Variants in LRRC37B observed in about 807,000 individuals in gnomAD.
The protein encoded by LRRC37B is leucine-rich repeat-containing protein 37B.
A neutral mutation model predicts 98.3 loss-of-function variants in LRRC37B; 28 were observed. That is an observed-to-expected ratio of 0.28 (90% CI 0.21 to 0.39). LRRC37B has a LOEUF of 0.39. Among genes scored for constraint, LRRC37B ranks in the 10% least tolerant of loss-of-function variants. The pLI is 1.00. For missense variants in LRRC37B, 938 were observed against 1,182.7 expected (o/e 0.79, Z 3.03); for synonymous variants, 364 against 442.7 (o/e 0.82, Z 2.23).
rs149815513 is a variant in LRRC37B, at chr17:32,046,202, C to G, written c.2323+384C>G. On this transcript the variant is annotated intron_variant, in intron 8 of 11. Transcript: ENST00000327564. Reference sequence around the variant, plus strand: ...CTGTGAGGTCTCAAGTACTCTCTGCCTTTTAGGACAGATGTAGATCCGGTT... The same window carrying G: ...CTGTGAGGTCTCAAGTACTCTCTGCGTTTTAGGACAGATGTAGATCCGGTT... Among the ~76,000 whole-genome samples, 1,075 of 152,258 alleles carry G rather than the reference C, an allele frequency of 7.1e-3. 2 individuals carry two copies. Among genetic ancestry groups the G allele is most frequent in the African/African-American group, 0.025 (1,022 of 41,538 alleles).
At chr17:32,008,877 T>C (rs1296703579) in intron 1 of LRRC37B, among the ~76,000 whole-genome samples, 2 of 152,254 alleles carry the variant, frequency 1.3e-5, no homozygotes, top group African/African-American at 4.8e-5. Flanking sequence ...TTTCTAGTTT[T>C]TGGCAGCTAT....
At chr17:32,007,721 C>T (rs996637002), upstream of LRRC37B, among the ~76,000 whole-genome samples, 2 of 151,542 alleles carry the variant, frequency 1.3e-5, no homozygotes, top group Middle Eastern at 3.4e-3. This position sits in a 1 kb window ranked among gnomAD's most constrained non-coding sequence, Gnocchi z 4.1. Context: ...GGGCTCCCCT[C>T]GCCGATACGC....
At chr17:32,019,349 T>C (rs1030615531), upstream of LRRC37B, among the ~76,000 whole-genome samples, 2 of 152,240 alleles carry the variant, frequency 1.3e-5, no homozygotes, top group African/African-American at 4.8e-5. Context: ...TACAGGTTTG[T>C]AGCCTAGGCT....
chr17:32,049,775 G>A (rs1911694793), intron 10 of LRRC37B, among the ~76,000 whole-genome samples: 1 of 152,120 alleles, frequency 6.6e-6, no homozygotes, highest in Non-Finnish European at 1.5e-5. Flanking sequence ...GCTGAGGTGG[G>A]AGGATCACCT....
chr17:32,040,574 G>A lies in LRRC37B; in HGVS notation c.2204+4935G>A, dbSNP rs887221115. The A allele has an allele frequency of 1.2e-5, 9 of 765,018 alleles. No homozygotes were observed. The African/African-American group carries it at 1.5e-4, about 13-fold the overall frequency. The allele number at this position is 765,018 out of a possible 1,614,324, so 47.4% of individuals were successfully genotyped here. On this transcript the variant is annotated intron_variant, in intron 7 of 11. Coordinates refer to ENST00000327564, the Ensembl canonical transcript of LRRC37B. ...TCATCAGCAAGGCGGTGACGGAAAT[G>A]CTGGCAAGGACCATCAAGTACCTGC... is the stretch of plus-strand genomic sequence containing the variant.
Position 32,022,366 on chromosome 17 carries a change from A to G in LRRC37B, c.1301A>G (p.Gln434Arg), listed in dbSNP as rs779437035. 5 of 1,613,944 alleles carry G rather than the reference A, an allele frequency of 3.1e-6. No homozygotes were observed. The South Asian group carries it at 5.5e-5, about 18-fold the overall frequency. Residue 434 changes from glutamine to arginine, a missense_variant, in exon 1 of 12, where the codon CAG (glutamine) becomes CGG (arginine). Physicochemically the swap from Gln to Arg is conservative, Grantham distance 43 (BLOSUM62 1). Around this residue, in one of 2 missense-constraint regions of LRRC37B, gnomAD observed 610 missense variants for 625.6 expected, o/e 0.98. Coordinates refer to ENST00000327564, the Ensembl canonical transcript of LRRC37B. ...CCACCTTCAGACAAGGGTCAGGCTCAGCATTCACACCTGACTGAAGCCACA... is the reference window on the plus strand; with the variant it reads ...CCACCTTCAGACAAGGGTCAGGCTCGGCATTCACACCTGACTGAAGCCACA...
upstream of LRRC37B, chr17:32,020,742 C>T: frequency 2.1e-6 from 1 of 478,820 alleles, no homozygotes; most frequent in Non-Finnish European, 3.3e-6. Context: ...GATTTCACCT[C>T]AGAGGAGGAA....
chr17:32,025,327 C>A (rs527644854), intron 2 of LRRC37B, among the ~76,000 whole-genome samples: 79 of 151,942 alleles, frequency 5.2e-4, no homozygotes, highest in African/African-American at 1.7e-3. Flanking sequence ...TGAGCCACCA[C>A]CCCCAGCCCA....
chr17:32,047,856 G>A, exon 9 of LRRC37B: 1 of 1,614,164 alleles, frequency 6.2e-7, no homozygotes. Context: ...TATTGAGTCG[G>A]AGGCGCCCTC....
intron 1 of LRRC37B, among the ~76,000 whole-genome samples, chr17:32,011,459 A>G (rs1910524691): frequency 6.6e-6 from 1 of 152,136 alleles, no homozygotes; most frequent in Non-Finnish European, 1.5e-5. Flanking sequence ...TTGGCCTCCC[A>G]AAGTGCTGGG....
At chr17:32,012,156 T>C (rs1438566662) in intron 1 of LRRC37B, among the ~76,000 whole-genome samples, 4 of 152,188 alleles carry the variant, frequency 2.6e-5, no homozygotes, top group African/African-American at 7.2e-5. Context: ...TTAGGTCAAG[T>C]TGGTTGATCG....
At chr17:32,022,267 C>T in exon 1 of LRRC37B, 1 of 1,613,926 alleles carries the variant, frequency 6.2e-7, no homozygotes, top group South Asian at 1.1e-5. Context: ...ATTCAGCCTC[C>T]CGAGGAGGCG....
chr17:32,039,514 A>G (rs1423373037), intron 7 of LRRC37B, among the ~76,000 whole-genome samples: 3 of 41,098 alleles, frequency 7.3e-5, no homozygotes, highest in African/African-American at 1.4e-4. Flanking sequence ...ATATATATAT[A>G]TATATATATG....
At chr17:32,050,780 G>A (rs2142264347) in intron 11 of LRRC37B, among the ~76,000 whole-genome samples, 1 of 152,180 alleles carries the variant, frequency 6.6e-6, no homozygotes, top group South Asian at 2.1e-4. Context: ...TCGGATTAGA[G>A]ATGCTCAACC....
At chr17:32,034,536 A>G (rs1381458331) in intron 5 of LRRC37B, among the ~76,000 whole-genome samples, 2 of 150,818 alleles carry the variant, frequency 1.3e-5, no homozygotes, top group South Asian at 2.1e-4. Flanking sequence ...AACTTGAATT[A>G]TAGATGAACA....
At chr17:32,027,490 G>A (rs190178881) in intron 2 of LRRC37B, among the ~76,000 whole-genome samples, 1 of 100,924 alleles carries the variant, frequency 9.9e-6, no homozygotes, top group South Asian at 3.5e-4. Flanking sequence ...CTTGTGTGTG[G>A]GTGTGCTTGT....
At chr17:32,037,450 G>T (rs2142253517) in intron 7 of LRRC37B, among the ~76,000 whole-genome samples, 1 of 152,032 alleles carries the variant, frequency 6.6e-6, no homozygotes, top group South Asian at 2.1e-4. Flanking sequence ...ATTTTTAGTA[G>T]AGATGGGGTT....
chr17:32,034,984 A>AAGTACTATAGTACTCTCATGACTCATGAG lies in LRRC37B; in HGVS notation c.2129+24_2129+25insCTCATGAGAGTACTATAGTACTCTCATGA. ...GAACTGCCGGCATTAAAATATCTGT[A>AAGTACTATAGTACTCTCATGACTCATGAG]AGTACTATAGTACTCTCATGAGTCA... On this transcript the variant is annotated splice_donor_region_variant and intron_variant, in intron 6 of 11. Transcript: ENST00000327564. 1 of 1,584,036 alleles carries AAGTACTATAGTACTCTCATGACTCATGAG rather than the reference A, an allele frequency of 6.3e-7. No homozygotes were observed. The highest frequency in any genetic ancestry group is 8.7e-7 in the Non-Finnish European group (1 of 1,153,758).
At chr17:32,034,289 G>A (rs1911182297) in intron 5 of LRRC37B, among the ~76,000 whole-genome samples, 1 of 152,008 alleles carries the variant, frequency 6.6e-6, no homozygotes, top group African/African-American at 2.4e-5. Flanking sequence ...ATCACCTGAG[G>A]TTAGGAGTTG....
Sources: allele counts gnomAD v4.1 joint callset (sites outside exome capture counted in the v4.1 genomes callset), GRCh38; gene constraint gnomAD v4.1.1; regional missense constraint gnomAD v4.1.1; non-coding constraint Gnocchi (gnomAD v3.1); transcripts MANE v1.5; gene names NCBI Gene and HGNC (gene_info 2026-07-23, HGNC 2026-07-21).